MARCHF3: variants seen among roughly 807,000 people sequenced by gnomAD.
The protein encoded by MARCHF3 is E3 ubiquitin-protein ligase MARCHF3.
In MARCHF3, 13 loss-of-function variants were observed where a neutral mutation model predicts 24.2. That is an observed-to-expected ratio of 0.54 (90% CI 0.35 to 0.85). The LOEUF (loss-of-function observed/expected upper bound fraction) is 0.85, where lower values mean the gene tolerates loss of function less well. MARCHF3 is among the 40% of genes least tolerant of loss of function. MARCHF3 has a pLI of 0.01. For missense variants in MARCHF3, 276 were observed against 325.0 expected, an observed-to-expected ratio of 0.85 and a Z score of 1.16; for synonymous variants, 144 against 137.3, an observed-to-expected ratio of 1.05 and a Z score of -0.34.
chr5:126,913,976 CT>C (rs1169856446), intron 3 of MARCHF3, among the ~76,000 whole-genome samples: 3,332 of 107,942 alleles, frequency 0.031, 26 homozygotes, highest in African/African-American at 0.069. Context: ...CAATATCCAA[CT>C]TTTTTTTTTT....
intron 1 of MARCHF3, among the ~76,000 whole-genome samples, chr5:126,963,011 A>G (rs568791576): frequency 6.6e-6 from 1 of 152,254 alleles, no homozygotes; most frequent in African/African-American, 2.4e-5. Context: ...ACGTTCTCTA[A>G]GCTTTATTTT....
Position 126,965,831 on chromosome 5 carries a change from T to TA in MARCHF3, c.-56-47605dup, listed in dbSNP as rs751059246. Among the ~76,000 whole-genome samples, 42 of 152,214 alleles carry TA rather than the reference T, an allele frequency of 2.8e-4. 1 individual carries two copies. The highest frequency in any genetic ancestry group is 5.9e-5 in the Non-Finnish European group (4 of 68,036). On this transcript the variant is annotated intron_variant, in intron 1 of 4. Coordinates refer to ENST00000308660, the MANE Select transcript of MARCHF3 (RefSeq NM_178450.5). ...CTGGGAAAGGAGTTTGGCAGTCTCT[T>TA]AAAAAGTTAAACATATATTTAACAT...
intron 3 of MARCHF3, among the ~76,000 whole-genome samples, chr5:126,905,828 C>T (rs1754272118): frequency 1.3e-5 from 2 of 152,016 alleles, no homozygotes; most frequent in Non-Finnish European, 2.9e-5. Flanking sequence ...GCCTAATTGC[C>T]CTGGCCAGAA....
At chr5:126,958,914 T>TA (rs1414752442) in intron 1 of MARCHF3, among the ~76,000 whole-genome samples, 39 of 152,192 alleles carry the variant, frequency 2.6e-4, no homozygotes, top group Admixed American at 1.6e-3. Flanking sequence ...AGTGAAGTAT[T>TA]ATATTATTGC....
chr5:126,979,897 G>A (rs1023537108), intron 1 of MARCHF3, among the ~76,000 whole-genome samples: 1 of 139,622 alleles, frequency 7.2e-6, no homozygotes, highest in South Asian at 2.3e-4. Context: ...GAGGTGAGCC[G>A]AGATTGCACC....
chr5:126,921,310 G>C (rs192866655), intron 1 of MARCHF3, among the ~76,000 whole-genome samples: 4 of 152,256 alleles, frequency 2.6e-5, no homozygotes, highest in South Asian at 2.1e-4. Context: ...AATCTCAGAA[G>C]AGTGGATCTA....
chr5:126,933,428 C>T (rs1404496405), intron 1 of MARCHF3, among the ~76,000 whole-genome samples: 1 of 150,976 alleles, frequency 6.6e-6, no homozygotes, highest in Non-Finnish European at 1.5e-5. Flanking sequence ...GTATGCCTGT[C>T]ATTCTCTTTG....
chr5:126,908,941 A>G (rs558149680), intron 3 of MARCHF3, among the ~76,000 whole-genome samples: 1 of 151,986 alleles, frequency 6.6e-6, no homozygotes, highest in East Asian at 1.9e-4. Context: ...TTCTTCCCCA[A>G]GTTTGTGGTT....
intron 4 of MARCHF3, among the ~76,000 whole-genome samples, chr5:126,877,072 T>C (rs1393811597): frequency 1.3e-5 from 2 of 152,178 alleles, no homozygotes; most frequent in Non-Finnish European, 2.9e-5. Flanking sequence ...CACTCCCTCT[T>C]TACTGAAACT....
chr5:126,989,319 C>T (rs189995490), intron 1 of MARCHF3, among the ~76,000 whole-genome samples: 1 of 138,696 alleles, frequency 7.2e-6, no homozygotes, highest in Non-Finnish European at 1.5e-5. Flanking sequence ...ACTACTACTA[C>T]TACTACTACT....
intron 3 of MARCHF3, among the ~76,000 whole-genome samples, chr5:126,912,018 T>A (rs1258654266): frequency 6.6e-6 from 1 of 152,168 alleles, no homozygotes; most frequent in African/African-American, 2.4e-5. Flanking sequence ...GGCCAGTGGC[T>A]AAGTGAGGAG....
At position 126,918,103 on chromosome 5, in the gene MARCHF3, C is replaced by T. The variant is rs140071926; in HGVS notation, c.69G>A (p.Val23=). 1.7e-4 allele frequency: 270 copies of T among 1,614,146 alleles called. 1 individual carries two copies. The African/African-American group carries it at 3.2e-3, about 19-fold the overall frequency. The change falls in exon 2 of 5, where the codon GTG becomes GTA. Residue 23 remains valine (V), a synonymous_variant. Coordinates refer to ENST00000308660, the MANE Select transcript of MARCHF3 (RefSeq NM_178450.5). The stretch of plus-strand genomic sequence containing the variant: ...TGCCACAATCCTCCACCGTCTTCAC[C>T]ACGGGTGCAGCTGAGCTGGTGCAGT... ...LPDCTSSAAP[V]VKTVEDCGSL...
At chr5:126,938,818 A>G (rs879923994) in intron 1 of MARCHF3, among the ~76,000 whole-genome samples, 2 of 152,244 alleles carry the variant, frequency 1.3e-5, no homozygotes, top group Non-Finnish European at 2.9e-5. Context: ...GTGCATTACA[A>G]TGAAGAAAAT....
intron 1 of MARCHF3, among the ~76,000 whole-genome samples, chr5:126,996,711 C>T (rs566144723): frequency 1.3e-5 from 2 of 150,942 alleles, no homozygotes; most frequent in South Asian, 4.2e-4. Context: ...TTATCGTTAC[C>T]GAGAAAACTG....
intron 1 of MARCHF3, among the ~76,000 whole-genome samples, chr5:127,019,841 C>A (rs1752738717): frequency 6.6e-6 from 1 of 152,162 alleles, no homozygotes; most frequent in Non-Finnish European, 1.5e-5. Flanking sequence ...TCAAGTGTAC[C>A]ACATTACTTC....
intron 3 of MARCHF3, among the ~76,000 whole-genome samples, chr5:126,894,086 C>T (rs374020437): frequency 9.2e-5 from 13 of 141,760 alleles, no homozygotes; most frequent in Non-Finnish European, 1.2e-4. Context: ...GTTTAAAGTC[C>T]GTTTTATCAG....
chr5:126,945,304 C>T (rs1163922359), intron 1 of MARCHF3, among the ~76,000 whole-genome samples: 2 of 152,232 alleles, frequency 1.3e-5, no homozygotes, highest in East Asian at 3.8e-4. Context: ...TTTACCAGAA[C>T]TCCTCTGGAT....
intron 1 of MARCHF3, among the ~76,000 whole-genome samples, chr5:126,998,228 A>T (rs1752009619): frequency 6.6e-6 from 1 of 152,218 alleles, no homozygotes; most frequent in Admixed American, 6.5e-5. Context: ...CAAGTGGCCC[A>T]TGTGGCAGTG....
chr5:126,884,124 G>A (rs866540756), intron 3 of MARCHF3, among the ~76,000 whole-genome samples: 2 of 152,316 alleles, frequency 1.3e-5, no homozygotes, highest in South Asian at 4.1e-4. Flanking sequence ...TGGGGAGCTG[G>A]AATGTGAGGG....
Sources: allele counts gnomAD v4.1 joint callset (sites outside exome capture counted in the v4.1 genomes callset), GRCh38; gene constraint gnomAD v4.1.1; transcripts MANE v1.5; gene names NCBI Gene and HGNC (gene_info 2026-07-23, HGNC 2026-07-21).